CADM2: variants seen among roughly 807,000 people sequenced by gnomAD.
CADM2 encodes cell adhesion molecule 2, also known as immunoglobulin superfamily member 4D.
CADM2 carries 12 observed loss-of-function variants against 49.8 expected under a neutral mutation model. The ratio of observed to expected loss-of-function variants is 0.24; its 90% CI spans 0.15 to 0.39. CADM2 has a LOEUF of 0.39. CADM2 is among the 10% of genes least tolerant of loss of function. The probability of loss-of-function intolerance (pLI) is 1.00; values close to 1 mark genes in which losing one functional copy is unlikely to be tolerated. For missense variants in CADM2, 378 were observed against 492.3 expected, an observed-to-expected ratio of 0.77 and a Z score of 2.20; for synonymous variants, 214 against 175.4, an observed-to-expected ratio of 1.22 and a Z score of -1.74.
intron 3 of CADM2, among the ~76,000 whole-genome samples, chr3:85,830,608 A>T (rs2074140212): frequency 6.6e-6 from 1 of 151,676 alleles, no homozygotes; most frequent in Non-Finnish European, 1.5e-5. Flanking sequence ...AATACCAAGG[A>T]TATTTTCCCC....
At chr3:85,385,458 A>C (rs2034168343) in intron 1 of CADM2, among the ~76,000 whole-genome samples, 1 of 152,182 alleles carries the variant, frequency 6.6e-6, no homozygotes, top group South Asian at 2.1e-4. Flanking sequence ...GCCTTTTGCA[A>C]GTAAATAAAA....
chr3:85,365,247 G>A (rs13321665), intron 1 of CADM2, among the ~76,000 whole-genome samples: 135 of 130,842 alleles, frequency 1.0e-3, no homozygotes, highest in African/African-American at 3.6e-3. Context: ...AGGTTGATGA[G>A]ATGATGAGGC....
chr3:85,308,653 A>G (rs940269413), intron 1 of CADM2, among the ~76,000 whole-genome samples: 1 of 152,058 alleles, frequency 6.6e-6, no homozygotes, highest in African/African-American at 2.4e-5. Flanking sequence ...TAGTATGGGT[A>G]GGAAAGAGCT....
At chr3:85,981,582 CTGACTTATAAGTGAGAATG>C (rs1727494806) in intron 8 of CADM2, among the ~76,000 whole-genome samples, 1 of 151,656 alleles carries the variant, frequency 6.6e-6, no homozygotes, top group Non-Finnish European at 1.5e-5. Flanking sequence ...ATATTTAGCT[CTGACTTATAAGTGAGAATG>C]TGCAATATTT....
intron 1 of CADM2, among the ~76,000 whole-genome samples, chr3:85,304,737 A>G (rs1334384690): frequency 6.6e-6 from 1 of 151,846 alleles, no homozygotes; most frequent in East Asian, 1.9e-4. Flanking sequence ...GTGACCCCCA[A>G]CTCTGATTTC....
intron 1 of CADM2, among the ~76,000 whole-genome samples, chr3:85,304,117 T>G (rs2044161833): frequency 6.6e-6 from 1 of 151,846 alleles, no homozygotes; most frequent in African/African-American, 2.4e-5. Flanking sequence ...ATTTCTGGTT[T>G]AGGAAGGTGG....
At chr3:85,238,358 A>T (rs1029248132) in intron 1 of CADM2, among the ~76,000 whole-genome samples, 10 of 151,948 alleles carry the variant, frequency 6.6e-5, no homozygotes, top group Non-Finnish European at 1.5e-4. Context: ...TTTTCACTCC[A>T]AATCATTGAC....
intron 2 of CADM2, among the ~76,000 whole-genome samples, chr3:85,788,821 C>A (rs934339199): frequency 2.0e-5 from 3 of 151,690 alleles, no homozygotes; most frequent in African/African-American, 7.3e-5. Flanking sequence ...TGAAAAAATT[C>A]TGTATTTGAA....
At chr3:85,849,732 T>G (rs1468175309) in intron 3 of CADM2, among the ~76,000 whole-genome samples, 2 of 152,208 alleles carry the variant, frequency 1.3e-5, no homozygotes, top group Non-Finnish European at 2.9e-5. Flanking sequence ...GTTTTTCTTC[T>G]TATTGTGGAA....
At chr3:85,302,503 T>C (rs1452408002) in intron 1 of CADM2, among the ~76,000 whole-genome samples, 2 of 152,096 alleles carry the variant, frequency 1.3e-5, no homozygotes, top group East Asian at 3.8e-4. Flanking sequence ...ATTCTCTCCA[T>C]CTTGAATACT....
chr3:85,699,604 T>C (rs2066685167), intron 1 of CADM2, among the ~76,000 whole-genome samples: 1 of 152,238 alleles, frequency 6.6e-6, no homozygotes. Flanking sequence ...CCTGGGCCTC[T>C]TTGAGCCAAA....
chr3:85,366,740 T>C (rs1318008601), intron 1 of CADM2, among the ~76,000 whole-genome samples: 1 of 152,152 alleles, frequency 6.6e-6, no homozygotes, highest in Non-Finnish European at 1.5e-5. Context: ...TCTAAAATAC[T>C]AAATCTGTCA....
intron 1 of CADM2, among the ~76,000 whole-genome samples, chr3:85,038,078 G>C (rs1168289833): frequency 6.6e-6 from 1 of 152,090 alleles, no homozygotes; most frequent in Non-Finnish European, 1.5e-5. Flanking sequence ...GGTATAGTTT[G>C]TGGTCTTTTC....
chr3:85,612,432 T>G (rs1426707928), intron 1 of CADM2, among the ~76,000 whole-genome samples: 3 of 151,860 alleles, frequency 2.0e-5, no homozygotes, highest in African/African-American at 7.2e-5. Flanking sequence ...TGTATTTTTA[T>G]ATTTTATTGT....
At chr3:85,129,837 C>T (rs2039165621) in intron 1 of CADM2, among the ~76,000 whole-genome samples, 1 of 152,156 alleles carries the variant, frequency 6.6e-6, no homozygotes, top group Non-Finnish European at 1.5e-5. Context: ...CATATAAACC[C>T]ATGTTTGTAC....
At chr3:85,242,702 C>T (rs367753315) in intron 1 of CADM2, among the ~76,000 whole-genome samples, 17 of 151,698 alleles carry the variant, frequency 1.1e-4, no homozygotes, top group South Asian at 4.2e-4. Flanking sequence ...GAAATTATGA[C>T]GTTAGAGCTT....
rs1405357903 is a variant in CADM2 at position 85,777,345 on chromosome 3, TC to T, written c.89-24699del. Reference sequence around the variant, plus strand: ...ATCTCAGCTCACTGCAGCCTCCGCCTCCCGGGTTCAAGCAATTCTCTTGCCT... The same window carrying T: ...ATCTCAGCTCACTGCAGCCTCCGCCTCCGGGTTCAAGCAATTCTCTTGCCT... On this transcript the variant is annotated intron_variant, in intron 2 of 9. Transcript: ENST00000383699. 7.2e-5 allele frequency among the ~76,000 whole-genome samples: 11 copies of T among 152,034 alleles called. No homozygotes were observed. In the East Asian group the frequency reaches 1.7e-3, roughly 24 times the overall value.
intron 8 of CADM2, among the ~76,000 whole-genome samples, chr3:86,035,143 C>A (rs1375823396): frequency 6.6e-6 from 1 of 152,032 alleles, no homozygotes; most frequent in East Asian, 1.9e-4. Context: ...AACATGGCTT[C>A]TGTCCATTTT....
At chr3:85,755,103 A>G (rs1043940831) in intron 2 of CADM2, among the ~76,000 whole-genome samples, 1 of 152,192 alleles carries the variant, frequency 6.6e-6, no homozygotes. Context: ...ATCTAGAGTT[A>G]GTGCAGTCCC....
Sources: gnomAD v4.1 joint callset for allele counts (sites outside exome capture counted in the v4.1 genomes callset) on GRCh38, gnomAD v4.1.1 for gene constraint, MANE v1.5 for transcripts, NCBI Gene and HGNC (gene_info 2026-07-23, HGNC 2026-07-21) for gene names.